Variants in LECT2 observed in about 807,000 individuals in gnomAD.
LECT2 encodes leukocyte cell derived chemotaxin 2, also known as leukocyte cell-derived chemotaxin-2.
Under a neutral mutation model 16.6 loss-of-function variants are expected in LECT2, and 11 were observed. The ratio of observed to expected loss-of-function variants is 0.66; its 90% CI spans 0.42 to 1.09. LECT2 has a LOEUF of 1.09. Among genes scored for constraint, LECT2 ranks in the 50% least tolerant of loss-of-function variants. LECT2 has a pLI of 0.00. For missense variants in LECT2, 173 were observed against 184.2 expected (o/e 0.94, Z 0.35); for synonymous variants, 54 against 64.8 (o/e 0.83, Z 0.80).
chr5:135,954,860 C>T lies in LECT2; in HGVS notation c.-27G>A. On this transcript the variant is annotated 5_prime_UTR_variant, in exon 1 of 4. Coordinates refer to ENST00000274507, the MANE Select transcript of LECT2 (RefSeq NM_002302.3). Reference sequence around the variant, plus strand: ...TGGTTTTACTTCCTTTAGTTTCTTCCTCTGATTAGAGTTGCCCCCACACTC... The same window carrying T: ...TGGTTTTACTTCCTTTAGTTTCTTCTTCTGATTAGAGTTGCCCCCACACTC... 2 of 1,581,422 alleles carry T rather than the reference C, an allele frequency of 1.3e-6. No individual in the cohort carries two copies. The highest frequency in any genetic ancestry group is 1.7e-6 in the Non-Finnish European group (2 of 1,150,370).
intron 3 of LECT2, 188 bp downstream of exon 3, chr5:135,951,035 C>T (rs969845944): frequency 3.3e-6 from 2 of 605,994 alleles, no homozygotes; most frequent in East Asian, 5.5e-5. Context: ...TGCACATGTA[C>T]CCCTGAACCT....
At chr5:135,949,296 T>G (rs796410089) in intron 3 of LECT2, among the ~76,000 whole-genome samples, 3 of 152,194 alleles carry the variant, frequency 2.0e-5, no homozygotes, top group South Asian at 4.1e-4. Flanking sequence ...ATTCTGTAAT[T>G]TATTTGGAAA....
chr5:135,951,386 A>G lies in LECT2; in HGVS notation c.144-18T>C, dbSNP rs1763794994. On this transcript the variant is annotated intron_variant, in intron 2 of 3. Coordinates refer to ENST00000274507, the MANE Select transcript of LECT2 (RefSeq NM_002302.3). ...TCTGACTTCTAGGATGTAAATAAGA[A>G]CGAACAGACTGAGGAACTGCCTTAG... The G allele has an allele frequency of 2.5e-6, 4 of 1,609,998 alleles. No individual in the cohort carries two copies. Among genetic ancestry groups the G allele is most frequent in the Non-Finnish European group, 3.4e-6 (4 of 1,177,388 alleles).
chr5:135,951,312 T>C lies in LECT2; in HGVS notation c.200A>G (p.Tyr67Cys). Residue 67 changes from tyrosine (Y) to cysteine (C), a missense_variant, in exon 3 of 4, where the codon TAC becomes TGC. By Grantham distance (194) the Tyr-to-Cys change is radical. Transcript: ENST00000274507. Reference protein sequence around the residue: ...DILCSAGSTVYAPFTGMIVGQ... With the variant: ...DILCSAGSTVCAPFTGMIVGQ... Reference sequence around the variant, plus strand: ...CACAATCATTCCAGTGAATGGTGCGTACACAGTAGATCCAGCAGAGCACAA... The same window carrying C: ...CACAATCATTCCAGTGAATGGTGCGCACACAGTAGATCCAGCAGAGCACAA... 1.2e-6 allele frequency: 2 copies of C among 1,613,876 alleles called. No individual in the cohort carries two copies. The highest frequency in any genetic ancestry group is 1.7e-6 in the Non-Finnish European group (2 of 1,179,734).
chr5:135,948,318 CATAG>C (rs1338901703), intron 3 of LECT2, among the ~76,000 whole-genome samples: 3 of 152,254 alleles, frequency 2.0e-5, no homozygotes, highest in Non-Finnish European at 2.9e-5. Context: ...TGCCAGGAAA[CATAG>C]ATAGAAACCC....
chr5:135,952,466 C>T (rs1763809583), intron 2 of LECT2, among the ~76,000 whole-genome samples: 1 of 152,164 alleles, frequency 6.6e-6, no homozygotes, highest in African/African-American at 2.4e-5. Context: ...AACCAAAAGC[C>T]TGAATTCAGG....
At chr5:135,950,866 CAGA>C (rs1193939833) in intron 3 of LECT2, 4 of 330,376 alleles carry the variant, frequency 1.2e-5, no homozygotes, top group African/African-American at 6.3e-5. Context: ...GTGCATGAAG[CAGA>C]AGTTTTCAGA....
chr5:135,947,454 T>G lies in LECT2; in HGVS notation c.333A>C (p.Lys111Asn). Residue 111 changes from lysine (K) to asparagine (N), a missense_variant, in exon 4 of 4, where the codon AAA (lysine) becomes AAC (asparagine). Physicochemically the swap from Lys to Asn is moderately conservative, Grantham distance 94. Transcript: ENST00000274507. ...KMFYIKPIKY[K>N]GPIKKGEKLG... ...GTTTTTCTCCCTTCTTAATAGGACC[T>G]TTATACTTAATTGGCTTAATGTAGA... The G allele has an allele frequency of 6.2e-7, 1 of 1,613,914 alleles. No homozygotes were observed. Among genetic ancestry groups the G allele is most frequent in the Non-Finnish European group, 8.5e-7 (1 of 1,179,868 alleles).
intron 3 of LECT2, among the ~76,000 whole-genome samples, chr5:135,949,544 C>T (rs1198885984): frequency 6.6e-6 from 1 of 152,200 alleles, no homozygotes; most frequent in Non-Finnish European, 1.5e-5. Flanking sequence ...GAGCAAGTGT[C>T]CAGTAATCTC....
chr5:135,949,890 C>T (rs933791261), intron 3 of LECT2, among the ~76,000 whole-genome samples: 1 of 152,222 alleles, frequency 6.6e-6, no homozygotes, highest in Non-Finnish European at 1.5e-5. Flanking sequence ...TGATTACTAG[C>T]CAGTGTCACA....
chr5:135,951,240 A>G lies in LECT2; in HGVS notation c.272T>C (p.Val91Ala). 1 of 1,614,154 alleles carries G rather than the reference A, an allele frequency of 6.2e-7. No homozygotes were observed. The highest frequency in any genetic ancestry group is 8.5e-7 in the Non-Finnish European group (1 of 1,180,020). Residue 91 changes from valine (V) to alanine (A), a missense_variant, in exon 3 of 4, where the codon GTT becomes GCT. Transcript: ENST00000274507. ...TCTCTTACCTCTTCCAGATATTCGA[A>G]CACCATTATTGATAGCATTCTTGTT... ...YQNKNAINNG[V>A]RISGRGFCVK... is the part of the protein sequence containing the mutation.
At chr5:135,954,105 G>A (rs143572363) in intron 1 of LECT2, among the ~76,000 whole-genome samples, 2 of 152,332 alleles carry the variant, frequency 1.3e-5, no homozygotes, top group East Asian at 3.9e-4. Flanking sequence ...ACAAGCAAAA[G>A]CGAGAGCCTG....
intron 2 of LECT2, among the ~76,000 whole-genome samples, chr5:135,952,476 G>A (rs148553191): frequency 9.1e-4 from 138 of 152,284 alleles, no homozygotes; most frequent in African/African-American, 3.2e-3. Context: ...CTGAATTCAG[G>A]TCCAGGCTTC....
chr5:135,952,770 G>C, intron 2 of LECT2, 101 bp downstream of exon 2: 1 of 742,528 alleles, frequency 1.3e-6, no homozygotes. Context: ...TTTTCATGCT[G>C]TCAGAACTGT....
rs980550636 is a variant in LECT2, at chr5:135,954,723, T to C, written c.46+65A>G. 3.7e-5 allele frequency: 43 copies of C among 1,158,710 alleles called. No homozygotes were observed. The South Asian group carries it at 3.8e-4, about 10-fold the overall frequency. 71.8% of individuals were successfully genotyped at this position (1,158,710 alleles called of 1,614,324 possible). A position where few individuals can be genotyped will look rare whatever the true frequency, so the allele number is the denominator to read the frequency against. ...GCTATTAATGACTTTTTAATCTTTT[T>C]AGTCTTCCCCTGAAATCAGTTTTTA... On this transcript the variant is annotated intron_variant, in intron 1 of 3. Coordinates refer to ENST00000274507, the MANE Select transcript of LECT2 (RefSeq NM_002302.3).
chr5:135,948,896 C>T (rs962144047), intron 3 of LECT2, among the ~76,000 whole-genome samples: 13 of 152,018 alleles, frequency 8.6e-5, no homozygotes, highest in African/African-American at 2.9e-4. Context: ...AGGATGGTCT[C>T]GATCTCCTGA....
chr5:135,951,397 G>A (rs1164161098), intron 2 of LECT2, 29 bp from the exon 3 acceptor site: 3 of 1,605,056 alleles, frequency 1.9e-6, no homozygotes, highest in Non-Finnish European at 2.6e-6. Flanking sequence ...CGAACAGACT[G>A]AGGAACTGCC....
At chr5:135,950,660 A>C (rs2126876274) in intron 3 of LECT2, 1 of 153,050 alleles carries the variant, frequency 6.5e-6, no homozygotes, top group Middle Eastern at 3.4e-3. Flanking sequence ...TAAAACTTAG[A>C]AGCTTTCAAA....
At position 135,948,730 on chromosome 5, in the gene LECT2, A is replaced by G. The variant is rs549137132; in HGVS notation, c.290-1233T>C. 6.0e-3 allele frequency among the ~76,000 whole-genome samples: 902 copies of G among 150,946 alleles called. 5 individuals are homozygous for G. Among genetic ancestry groups the G allele is most frequent in the Admixed American group, 0.015 (225 of 15,178 alleles). On this transcript the variant is annotated intron_variant, in intron 3 of 3. Transcript: ENST00000274507. ...TGCTGTGTCACCCAGGCTGGAGTGCAGTGGCGCGATCTCGGCTCACTGCAG... is the reference window on the plus strand; with the variant it reads ...TGCTGTGTCACCCAGGCTGGAGTGCGGTGGCGCGATCTCGGCTCACTGCAG...
Sources: allele counts gnomAD v4.1 joint callset (sites outside exome capture counted in the v4.1 genomes callset), GRCh38; gene constraint gnomAD v4.1.1; transcripts MANE v1.5; gene names NCBI Gene and HGNC (gene_info 2026-07-23, HGNC 2026-07-21).